The following KANSL1L variants were observed in gnomAD, a reference collection of about 807,000 sequenced individuals.
The protein encoded by KANSL1L is KAT8 regulatory NSL complex subunit 1 like.
Under a neutral mutation model 108.6 loss-of-function variants are expected in KANSL1L, and 25 were observed. The observed-to-expected ratio is 0.23, with a 90% CI of 0.17 to 0.32. KANSL1L has a LOEUF of 0.32. Among genes scored for constraint, KANSL1L ranks in the 10% least tolerant of loss-of-function variants. The probability of loss-of-function intolerance (pLI) is 1.00; values close to 1 mark genes in which losing one functional copy is unlikely to be tolerated. For synonymous variants in KANSL1L, 405 were observed against 395.1 expected, an observed-to-expected ratio of 1.03 and a Z score of -0.30; for missense variants, 1,137 against 1,125.7, an observed-to-expected ratio of 1.01 and a Z score of -0.14.
intron 5 of KANSL1L, among the ~76,000 whole-genome samples, chr2:210,077,350 T>C (rs960342593): frequency 6.6e-6 from 1 of 152,160 alleles, no homozygotes; most frequent in Admixed American, 6.5e-5. Flanking sequence ...ATCATGTTGA[T>C]GGCTAGGAAA....
intron 6 of KANSL1L, among the ~76,000 whole-genome samples, chr2:210,047,008 A>G (rs1192367963): frequency 7.9e-5 from 12 of 152,206 alleles, no homozygotes; most frequent in Non-Finnish European, 1.8e-4. Flanking sequence ...AGGTGGCTCC[A>G]TATTTGAAAC....
At chr2:210,063,348 G>A (rs1184237653) in intron 6 of KANSL1L, among the ~76,000 whole-genome samples, 1 of 152,236 alleles carries the variant, frequency 6.6e-6, no homozygotes, top group Non-Finnish European at 1.5e-5. Context: ...GAAGGGAAAT[G>A]TGGGGTCAGA....
At chr2:210,030,242 C>T (rs1414871645) in intron 9 of KANSL1L, among the ~76,000 whole-genome samples, 2 of 151,840 alleles carry the variant, frequency 1.3e-5, no homozygotes, top group East Asian at 1.9e-4. Flanking sequence ...TCTTAATTTT[C>T]TTATCTAATC....
intron 2 of KANSL1L, among the ~76,000 whole-genome samples, chr2:210,133,557 C>T (rs1432557952): frequency 1.1e-4 from 16 of 151,722 alleles, no homozygotes; most frequent in Admixed American, 1.1e-3. Context: ...CTGTGAATAT[C>T]CACTCTTTAT....
chr2:210,141,964 G>C (rs375202044), intron 2 of KANSL1L, among the ~76,000 whole-genome samples: 11 of 151,894 alleles, frequency 7.2e-5, no homozygotes, highest in African/African-American at 2.7e-4. Context: ...ATTTTGGCAA[G>C]GATAGTGACA....
At chr2:210,082,240 A>G (rs930062450) in intron 5 of KANSL1L, among the ~76,000 whole-genome samples, 3 of 152,252 alleles carry the variant, frequency 2.0e-5, no homozygotes, top group Non-Finnish European at 4.4e-5. Flanking sequence ...GATAATTTGT[A>G]AGGATGCATT....
chr2:210,042,653 A>T (rs2094178100), intron 7 of KANSL1L, among the ~76,000 whole-genome samples: 1 of 152,204 alleles, frequency 6.6e-6, no homozygotes, highest in African/African-American at 2.4e-5. Flanking sequence ...TGGGAATTAA[A>T]CAAGAAAATG....
intron 1 of KANSL1L, among the ~76,000 whole-genome samples, chr2:210,161,257 G>A (rs1249836285): frequency 2.0e-5 from 3 of 152,104 alleles, no homozygotes; most frequent in Admixed American, 6.6e-5. Context: ...CAAAGTGCTA[G>A]GATTACAGGG....
Position 210,062,044 on chromosome 2 carries a change from T to C in KANSL1L, c.1755+13508A>G, listed in dbSNP as rs576559715. Among the ~76,000 whole-genome samples the C allele has an allele frequency of 1.2e-4, 19 of 152,356 alleles. No individual in the cohort carries two copies. The South Asian group carries it at 3.9e-3, about 32-fold the overall frequency. ...GGGTATGAATATCAAATTAAAAATATATTTAAAGCATTTAGAAGTTGATAT... is the reference window on the plus strand; with the variant it reads ...GGGTATGAATATCAAATTAAAAATACATTTAAAGCATTTAGAAGTTGATAT... On this transcript the variant is annotated intron_variant, in intron 6 of 14. Coordinates refer to ENST00000281772, the MANE Select transcript of KANSL1L (RefSeq NM_152519.4).
In KANSL1L at chr2:210,023,159, C is replaced by T. The variant is rs1165565798; in HGVS notation, c.2754G>A (p.Arg918=). The T allele has an allele frequency of 1.2e-6, 2 of 1,613,954 alleles. No individual in the cohort carries two copies. Among genetic ancestry groups the T allele is most frequent in the Non-Finnish European group, 8.5e-7 (1 of 1,179,914 alleles). The change falls in exon 15 of 15, where the codon CGG becomes CGA. Residue 918 remains arginine, a synonymous_variant. Transcript: ENST00000281772. ...QETKSLWWER[R]AFPLKGEDMA... is the part of the protein sequence containing the mutation. ...TGTCTTCACCCTTCAGTGGAAAAGC[C>T]CGTCGTTCCCACCACAAAGACTGAA...
chr2:210,033,317 G>C (rs546837409), intron 8 of KANSL1L, among the ~76,000 whole-genome samples: 1 of 152,152 alleles, frequency 6.6e-6, no homozygotes, highest in South Asian at 2.1e-4. Flanking sequence ...TAATCTAAAC[G>C]TACTAAAATG....
intron 5 of KANSL1L, among the ~76,000 whole-genome samples, chr2:210,094,004 A>G (rs775319964): frequency 3.3e-5 from 5 of 152,202 alleles, no homozygotes; most frequent in Non-Finnish European, 5.9e-5. Context: ...CGGTACCTAG[A>G]GTAGTCAAAT....
intron 5 of KANSL1L, chr2:210,096,654 T>G (rs1457693972): frequency 2.0e-6 from 2 of 984,128 alleles, no homozygotes; most frequent in Non-Finnish European, 1.2e-6. Flanking sequence ...TTAAAATACA[T>G]TCACCTACAT....
At chr2:210,151,395 T>A (rs972148720) in intron 2 of KANSL1L, 1 of 152,186 alleles carries the variant, frequency 6.6e-6, no homozygotes, top group African/African-American at 2.4e-5. Flanking sequence ...AACAAAAAAA[T>A]TTACTGAATG....
intron 1 of KANSL1L, among the ~76,000 whole-genome samples, chr2:210,169,635 G>A (rs1688207054): frequency 6.6e-6 from 1 of 151,966 alleles, no homozygotes; most frequent in African/African-American, 2.4e-5. Context: ...CCTGGATTAA[G>A]AAGTTTCACA....
chr2:210,070,224 C>CTTCT (rs1206795238), intron 6 of KANSL1L, among the ~76,000 whole-genome samples: 13 of 77,542 alleles, frequency 1.7e-4, no homozygotes, highest in African/African-American at 6.8e-4. Context: ...TTTCTCCGTT[C>CTTCT]TTTTTTTTTT....
intron 7 of KANSL1L, among the ~76,000 whole-genome samples, chr2:210,042,986 A>G (rs2539871): frequency 0.45 from 68,281 of 152,044 alleles, 18,713 homozygotes; most frequent in Middle Eastern, 0.61. Context: ...AAGTTGAGAT[A>G]TCCCCCAGTA....
Position 210,104,224 on chromosome 2 carries a change from A to G in KANSL1L, c.1308T>C (p.Ala436=). 1 of 1,613,920 alleles carries G rather than the reference A, an allele frequency of 6.2e-7. No individual in the cohort carries two copies. Among genetic ancestry groups the G allele is most frequent in the Non-Finnish European group, 8.5e-7 (1 of 1,179,856 alleles). ...GAGGATTCCCTAGAATGTTTAGTGAAGCTGCTTGGTCTGCAAATTGCATTT... is the reference window on the plus strand; with the variant it reads ...GAGGATTCCCTAGAATGTTTAGTGAGGCTGCTTGGTCTGCAAATTGCATTT... ...KKQMQFADQA[A]SLNILGNPQV... Residue 436 remains alanine (A), a synonymous_variant, in exon 4 of 15, where the codon GCT becomes GCC. Transcript: ENST00000281772.
chr2:210,069,966 T>G (rs1293392622), intron 6 of KANSL1L, among the ~76,000 whole-genome samples: 2 of 150,392 alleles, frequency 1.3e-5, no homozygotes, highest in Non-Finnish European at 3.0e-5. Flanking sequence ...GTAGCTGGGA[T>G]TACAGGCACC....
Sources: allele counts gnomAD v4.1 joint callset (sites outside exome capture counted in the v4.1 genomes callset), GRCh38; gene constraint gnomAD v4.1.1; transcripts MANE v1.5; gene names NCBI Gene and HGNC (gene_info 2026-07-23, HGNC 2026-07-21).